SLC9A9: variants seen among roughly 807,000 people sequenced by gnomAD.
SLC9A9 encodes the protein sodium/hydrogen exchanger 9.
Under a neutral mutation model 77.8 loss-of-function variants are expected in SLC9A9, and 62 were observed. The ratio of observed to expected loss-of-function variants is 0.80; its 90% CI spans 0.65 to 0.98. The LOEUF (loss-of-function observed/expected upper bound fraction) is 0.98. SLC9A9 is among the 50% of genes least tolerant of loss of function. SLC9A9 has a pLI of 0.00. For synonymous variants in SLC9A9, 320 were observed against 283.5 expected, an observed-to-expected ratio of 1.13 and a Z score of -1.29; for missense variants, 775 against 774.9, an observed-to-expected ratio of 1.00 and a Z score of 0.00.
intron 12 of SLC9A9, among the ~76,000 whole-genome samples, chr3:143,395,609 A>T (rs527417644): frequency 5.3e-5 from 8 of 152,340 alleles, no homozygotes; most frequent in African/African-American, 1.7e-4. Flanking sequence ...GGATCTAATT[A>T]AATTAAAGAG....
At chr3:143,653,000 C>T (rs1405083271) in intron 5 of SLC9A9, among the ~76,000 whole-genome samples, 2 of 152,184 alleles carry the variant, frequency 1.3e-5, no homozygotes, top group East Asian at 3.9e-4. Context: ...TCTTTGGACA[C>T]ATGGTGTTAG....
chr3:143,600,664 A>G (rs2037831923), intron 6 of SLC9A9, among the ~76,000 whole-genome samples: 2 of 152,366 alleles, frequency 1.3e-5, no homozygotes, highest in South Asian at 4.1e-4. Flanking sequence ...GTTGATCAGC[A>G]TGAAAATGTC....
chr3:143,803,903 T>C (rs2008638190), intron 2 of SLC9A9, among the ~76,000 whole-genome samples: 1 of 152,144 alleles, frequency 6.6e-6, no homozygotes, highest in Admixed American at 6.5e-5. Flanking sequence ...CTTTACTTTC[T>C]AGACAGGTCC....
At chr3:143,278,633 A>T (rs528337778) in intron 14 of SLC9A9, among the ~76,000 whole-genome samples, 1 of 152,230 alleles carries the variant, frequency 6.6e-6, no homozygotes, top group African/African-American at 2.4e-5. Context: ...ATGTCTTGAC[A>T]TGATCACCTT....
chr3:143,559,978 G>A (rs1433576995), intron 8 of SLC9A9, among the ~76,000 whole-genome samples: 1 of 152,122 alleles, frequency 6.6e-6, no homozygotes, highest in Non-Finnish European at 1.5e-5. Flanking sequence ...ACTTTGCCTT[G>A]CCTGTTCTTG....
Position 143,552,440 on chromosome 3 carries a change from A to G in SLC9A9, c.1011T>C (p.Ala337=), listed in dbSNP as rs895262329. 1.2e-5 allele frequency: 20 copies of G among 1,612,940 alleles called. No individual in the cohort carries two copies. The highest frequency in any genetic ancestry group is 1.6e-5 in the Non-Finnish European group (19 of 1,179,488). Reference sequence around the variant, plus strand: ...CTTGTGTGACTCCACAGAAGAGAACAGCAACTATCCCTGAAATTAAAAAAA... The same window carrying G: ...CTTGTGTGACTCCACAGAAGAGAACGGCAACTATCCCTGAAATTAAAAAAA... ...AEAAGLTGIV[A]VLFCGVTQAH... The change falls in exon 9 of 16, where the codon GCT becomes GCC. Residue 337 remains alanine (A), a synonymous_variant. Coordinates refer to ENST00000316549, the MANE Select transcript of SLC9A9 (RefSeq NM_173653.4).
intron 6 of SLC9A9, among the ~76,000 whole-genome samples, chr3:143,645,732 A>G (rs1370084315): frequency 1.3e-5 from 2 of 152,190 alleles, no homozygotes; most frequent in African/African-American, 2.4e-5. Context: ...TCTCTGCAGC[A>G]TAACAGTCTC....
intron 4 of SLC9A9, among the ~76,000 whole-genome samples, chr3:143,779,559 C>T (rs998305171): frequency 1.3e-5 from 2 of 152,070 alleles, no homozygotes; most frequent in Non-Finnish European, 2.9e-5. Context: ...TTAGTACAGT[C>T]GGGGTTTCAC....
chr3:143,463,583 G>A (rs764809264), intron 12 of SLC9A9, among the ~76,000 whole-genome samples: 1 of 152,162 alleles, frequency 6.6e-6, no homozygotes, highest in Non-Finnish European at 1.5e-5. Context: ...CAGTATTAAT[G>A]TATTCCACAG....
At chr3:143,505,485 T>C (rs1419758516) in intron 9 of SLC9A9, among the ~76,000 whole-genome samples, 1 of 152,134 alleles carries the variant, frequency 6.6e-6, no homozygotes, top group Non-Finnish European at 1.5e-5. Flanking sequence ...AACATCAGAT[T>C]CTCCAAGTTG....
intron 5 of SLC9A9, among the ~76,000 whole-genome samples, chr3:143,657,401 G>T (rs185367489): frequency 2.6e-5 from 4 of 152,310 alleles, no homozygotes; most frequent in Non-Finnish European, 4.4e-5. Flanking sequence ...CACACTTGTA[G>T]CCTTCCTCAA....
At chr3:143,663,229 G>A (rs550933606) in intron 5 of SLC9A9, among the ~76,000 whole-genome samples, 5 of 152,324 alleles carry the variant, frequency 3.3e-5, no homozygotes, top group South Asian at 2.1e-4. Flanking sequence ...GGTCCTGACT[G>A]TTAGAAGGAA....
chr3:143,579,450 C>G (rs1373825418), intron 6 of SLC9A9, among the ~76,000 whole-genome samples: 1 of 152,110 alleles, frequency 6.6e-6, no homozygotes, highest in African/African-American at 2.4e-5. Context: ...GTCATATAAG[C>G]TATTTTTTTT....
At chr3:143,834,354 G>A (rs1433876876) in intron 1 of SLC9A9, among the ~76,000 whole-genome samples, 4 of 152,104 alleles carry the variant, frequency 2.6e-5, no homozygotes, top group Admixed American at 6.6e-5. Flanking sequence ...TACACTCTAC[G>A]TGGCTTAGGG....
At chr3:143,752,091 A>G (rs891005963) in intron 4 of SLC9A9, among the ~76,000 whole-genome samples, 1 of 152,236 alleles carries the variant, frequency 6.6e-6, no homozygotes. Context: ...GACTTACTTC[A>G]AAGTGATGTT....
intron 14 of SLC9A9, among the ~76,000 whole-genome samples, chr3:143,326,038 T>C (rs1209581468): frequency 6.6e-6 from 1 of 152,238 alleles, no homozygotes; most frequent in African/African-American, 2.4e-5. Flanking sequence ...ACTTTATGTA[T>C]TCATTTGTAT....
At chr3:143,765,073 CTCTT>C (rs138733634) in intron 4 of SLC9A9, among the ~76,000 whole-genome samples, 7,213 of 145,502 alleles carry the variant, frequency 0.05, 587 homozygotes, top group African/African-American at 0.17. Context: ...CTCTTTTTCT[CTCTT>C]TCTTTTTCTT....
intron 14 of SLC9A9, among the ~76,000 whole-genome samples, chr3:143,293,373 T>C (rs946052295): frequency 6.6e-6 from 1 of 152,188 alleles, no homozygotes; most frequent in Non-Finnish European, 1.5e-5. Flanking sequence ...CAAAAATCAA[T>C]ATTGTGTACA....
intron 14 of SLC9A9, among the ~76,000 whole-genome samples, chr3:143,273,761 C>G (rs1050604579): frequency 6.6e-6 from 1 of 152,206 alleles, no homozygotes; most frequent in Non-Finnish European, 1.5e-5. Context: ...AAAGACCTCT[C>G]TTGGAGATTC....
Sources: allele counts gnomAD v4.1 joint callset (sites outside exome capture counted in the v4.1 genomes callset), GRCh38; gene constraint gnomAD v4.1.1; transcripts MANE v1.5; gene names NCBI Gene and HGNC (gene_info 2026-07-23, HGNC 2026-07-21).